CDH23: variants seen among roughly 807,000 people sequenced by gnomAD.
The protein encoded by CDH23 is cadherin related 23.
A neutral mutation model predicts 317.1 loss-of-function variants in CDH23; 189 were observed. The ratio of observed to expected loss-of-function variants is 0.60; its 90% confidence interval spans 0.53 to 0.67. The LOEUF is 0.67. Among genes scored for constraint, CDH23 ranks in the 30% least tolerant of loss-of-function variants. The probability of loss-of-function intolerance (pLI) is 0.00; values close to 1 mark genes in which losing one functional copy is unlikely to be tolerated. For missense variants in CDH23, 4,401 were observed against 4,592.4 expected (o/e 0.96, Z 1.20); for synonymous variants, 1,839 against 1,876.8 (o/e 0.98, Z 0.52).
intron 3 of CDH23, among the ~76,000 whole-genome samples, chr10:71,498,478 A>G (rs1208495400): frequency 1.3e-5 from 2 of 152,214 alleles, no homozygotes; most frequent in Non-Finnish European, 2.9e-5. Context: ...AGAAGTGTGC[A>G]GTGTGATAGA....
intron 33 of CDH23, 148 bp downstream of exon 33, chr10:71,734,489 T>C: frequency 6.5e-7 from 1 of 1,545,796 alleles, no homozygotes; most frequent in Non-Finnish European, 8.8e-7. Context: ...TGTCCAGCCA[T>C]GCCACACCTT....
chr10:71,735,805 G>A (rs1839546881), intron 34 of CDH23, among the ~76,000 whole-genome samples: 1 of 152,250 alleles, frequency 6.6e-6, no homozygotes, highest in African/African-American at 2.4e-5. Context: ...CAGCCTGGGG[G>A]TGAGTGAGGC....
intron 14 of CDH23, among the ~76,000 whole-genome samples, chr10:71,657,681 C>A (rs1863475121): frequency 6.6e-6 from 1 of 152,166 alleles, no homozygotes; most frequent in Non-Finnish European, 1.5e-5. Context: ...CTGCTCAGCT[C>A]TTCCAGCGCA....
intron 6 of CDH23, among the ~76,000 whole-genome samples, chr10:71,555,982 G>T (rs112459652): frequency 7.9e-5 from 12 of 152,178 alleles, no homozygotes; most frequent in Admixed American, 6.5e-5. Context: ...GTCAGTCATT[G>T]GGTGGTGATG....
intron 3 of CDH23, among the ~76,000 whole-genome samples, chr10:71,454,072 G>T (rs1371460114): frequency 1.3e-5 from 2 of 152,304 alleles, no homozygotes; most frequent in East Asian, 1.9e-4. Flanking sequence ...CTCCCCTGAA[G>T]TGTTCTCAGA....
At chr10:71,601,490 C>A (rs1049801133) in intron 9 of CDH23, among the ~76,000 whole-genome samples, 1 of 152,188 alleles carries the variant, frequency 6.6e-6, no homozygotes, top group Non-Finnish European at 1.5e-5. Context: ...GGTCACACAG[C>A]TAGTGAGAAG....
At chr10:71,622,098 T>C (rs995526749) in intron 11 of CDH23, among the ~76,000 whole-genome samples, 5 of 152,184 alleles carry the variant, frequency 3.3e-5, no homozygotes, top group African/African-American at 1.2e-4. Context: ...AATTAAAGGT[T>C]GTGGCAGCCT....
rs117060327 is a variant in CDH23 at position 71,774,549 on chromosome 10, T to C, written c.4846-3131T>C. ...CAGAGCGAAACTACAAACCTCTCTC[T>C]GATGTTTCTGAGACCCTAGCACAAA... On this transcript the variant is annotated intron_variant, in intron 38 of 69. Transcript: ENST00000224721. Among the ~76,000 whole-genome samples, 656 of 152,304 alleles carry C rather than the reference T, an allele frequency of 4.3e-3. 44 individuals are homozygous for C. In the East Asian group the frequency reaches 0.11, roughly 26 times the overall value.
chr10:71,648,701 C>T (rs1412324508), intron 14 of CDH23, among the ~76,000 whole-genome samples: 1 of 152,190 alleles, frequency 6.6e-6, no homozygotes, highest in Admixed American at 6.5e-5. Context: ...AGCCGAGCCC[C>T]TCAGGCTAGG....
chr10:71,451,321 G>A (rs1850433431), intron 3 of CDH23, among the ~76,000 whole-genome samples: 1 of 152,172 alleles, frequency 6.6e-6, no homozygotes, highest in African/African-American at 2.4e-5. Flanking sequence ...CCAGCCTGAG[G>A]CAGAGCCTGC....
At chr10:71,412,571 A>G (rs1033534403) in intron 1 of CDH23, among the ~76,000 whole-genome samples, 4 of 151,996 alleles carry the variant, frequency 2.6e-5, no homozygotes, top group Non-Finnish European at 5.9e-5. Flanking sequence ...AAACTACACT[A>G]CACAGTTGTG....
Position 71,583,046 on chromosome 10 carries a change from A to G in CDH23, c.832+5054A>G, listed in dbSNP as rs369099928. 2.6e-4 allele frequency among the ~76,000 whole-genome samples: 40 copies of G among 152,284 alleles called. No individual in the cohort carries two copies. The East Asian group carries it at 5.6e-3, about 21-fold the overall frequency. ...AAAGATCCTTGGGAGGGGGTGCCTC[A>G]TCCACTCAACGCAGGGTGGGGAGAC... On this transcript the variant is annotated intron_variant, in intron 9 of 69. Coordinates refer to ENST00000224721, the MANE Select transcript of CDH23 (RefSeq NM_022124.6).
chr10:71,542,766 C>T (rs895106886), intron 6 of CDH23, among the ~76,000 whole-genome samples: 1 of 152,244 alleles, frequency 6.6e-6, no homozygotes, highest in Non-Finnish European at 1.5e-5. Flanking sequence ...GAAACTGACC[C>T]GCCCAGCCAG....
intron 3 of CDH23, among the ~76,000 whole-genome samples, chr10:71,462,623 A>C (rs1218142596): frequency 1.3e-5 from 2 of 152,238 alleles, no homozygotes; most frequent in African/African-American, 4.8e-5. Context: ...TCAGAGCCTC[A>C]GCTCTCTTAT....
intron 8 of CDH23, among the ~76,000 whole-genome samples, chr10:71,573,364 A>G (rs1226458679): frequency 6.6e-6 from 1 of 152,138 alleles, no homozygotes; most frequent in African/African-American, 2.4e-5. Context: ...CTTTTATTTC[A>G]GACCTGCAGA....
intron 1 of CDH23, among the ~76,000 whole-genome samples, chr10:71,402,767 G>A (rs967156563): frequency 4.6e-5 from 7 of 152,054 alleles, no homozygotes; most frequent in African/African-American, 9.7e-5. Flanking sequence ...GCGCACATGC[G>A]CGTTGGATGG....
Position 71,700,653 on chromosome 10 carries a change from T to C in CDH23, c.2398-1369T>C, listed in dbSNP as rs58085227. ...GGACCTCCCCTCCTCTACCCTTTGG[T>C]GCTGCGAGGCTGGGAAGGGAGAGGA... On this transcript the variant is annotated intron_variant, in intron 22 of 69. Coordinates refer to ENST00000224721, the MANE Select transcript of CDH23 (RefSeq NM_022124.6). Among the ~76,000 whole-genome samples the C allele has an allele frequency of 1.2e-4, 19 of 152,248 alleles. No individual in the cohort carries two copies. The East Asian group carries it at 3.1e-3, about 25-fold the overall frequency.
chr10:71,520,236 G>C (rs573790683), intron 6 of CDH23, among the ~76,000 whole-genome samples: 1 of 152,324 alleles, frequency 6.6e-6, no homozygotes, highest in East Asian at 1.9e-4. Flanking sequence ...TGGTGGTCAG[G>C]AAACTGACAT....
chr10:71,733,191 T>C (rs1839448286), intron 32 of CDH23, among the ~76,000 whole-genome samples: 1 of 152,192 alleles, frequency 6.6e-6, no homozygotes, highest in African/African-American at 2.4e-5. Context: ...AAGGATAGTC[T>C]AAAGGATACC....
Sources: gnomAD v4.1 joint callset for allele counts (sites outside exome capture counted in the v4.1 genomes callset) on GRCh38, gnomAD v4.1.1 for gene constraint, MANE v1.5 for transcripts, NCBI Gene and HGNC (gene_info 2026-07-23, HGNC 2026-07-21) for gene names.